Variants in VAV3 observed in about 807,000 individuals in gnomAD.
VAV3 encodes the protein guanine nucleotide exchange factor VAV3.
VAV3 carries 94 observed loss-of-function variants against 131.2 expected under a neutral mutation model. The observed-to-expected ratio is 0.72, with a 90% CI of 0.61 to 0.85. VAV3 has a LOEUF of 0.85. Ranked by LOEUF, VAV3 falls within the 40% of genes least tolerant of loss-of-function variation. The probability of loss-of-function intolerance (pLI) is 0.00; values close to 1 mark genes in which losing one functional copy is unlikely to be tolerated. For synonymous variants in VAV3, 349 were observed against 342.0 expected (o/e 1.02, Z -0.22); for missense variants, 939 against 1,002.7 (o/e 0.94, Z 0.86).
chr1:107,630,689 G>C (rs1654399698), intron 20 of VAV3, among the ~76,000 whole-genome samples: 1 of 152,066 alleles, frequency 6.6e-6, no homozygotes. Context: ...CCCAGTGGGG[G>C]AGTCACATAT....
chr1:107,574,989 GTGTGCGTGCGTGCGCGCGCGCGCGCGCA>G (rs1400799908), intron 25 of VAV3, among the ~76,000 whole-genome samples: 2,244 of 35,304 alleles, frequency 0.064, 65 homozygotes, highest in African/African-American at 0.12. Flanking sequence ...GTGTGTGTGT[GTGTGCGTGCGTGCGCGCGCGCGCGCGCA>G]CACGCGCGCG....
intron 2 of VAV3, among the ~76,000 whole-genome samples, chr1:107,838,670 A>G (rs1181789088): frequency 6.6e-6 from 1 of 152,224 alleles, no homozygotes; most frequent in Non-Finnish European, 1.5e-5. Flanking sequence ...TCATTGCAGC[A>G]CTATTCACAA....
intron 15 of VAV3, among the ~76,000 whole-genome samples, chr1:107,739,862 G>C (rs1311835444): frequency 6.6e-6 from 1 of 152,140 alleles, no homozygotes; most frequent in African/African-American, 2.4e-5. Flanking sequence ...ACCACCACAG[G>C]CTTCCTCTAC....
chr1:107,724,806 G>A (rs955842836), intron 15 of VAV3, among the ~76,000 whole-genome samples: 33 of 151,966 alleles, frequency 2.2e-4, no homozygotes, highest in African/African-American at 7.3e-4. Context: ...AAGGAATTCA[G>A]TCTGGTTGCA....
At chr1:107,647,720 ACATGTGCAAAACAC>A (rs1168723185) in intron 19 of VAV3, among the ~76,000 whole-genome samples, 1 of 152,060 alleles carries the variant, frequency 6.6e-6, no homozygotes, top group Non-Finnish European at 1.5e-5. Flanking sequence ...TCTTGTGGGT[ACATGTGCAAAACAC>A]CATGACCAAC....
intron 1 of VAV3, among the ~76,000 whole-genome samples, chr1:107,954,174 TAAC>T (rs1011601982): frequency 6.6e-6 from 1 of 152,162 alleles, no homozygotes; most frequent in Non-Finnish European, 1.5e-5. Flanking sequence ...AAATAATAGC[TAAC>T]AATAGGTTGT....
chr1:107,805,609 T>C (rs1667023404), intron 2 of VAV3, among the ~76,000 whole-genome samples: 1 of 152,230 alleles, frequency 6.6e-6, no homozygotes, highest in Admixed American at 6.5e-5. Flanking sequence ...ATTGCTATTT[T>C]GAATTCTTGT....
chr1:107,823,097 C>A (rs1005214007), intron 2 of VAV3, among the ~76,000 whole-genome samples: 4 of 152,068 alleles, frequency 2.6e-5, no homozygotes, highest in Non-Finnish European at 4.4e-5. Flanking sequence ...TACCCACTAT[C>A]CAATCGATGA....
chr1:107,944,073 A>G (rs1463635533), intron 1 of VAV3, among the ~76,000 whole-genome samples: 1 of 152,224 alleles, frequency 6.6e-6, no homozygotes, highest in Non-Finnish European at 1.5e-5. Flanking sequence ...ACAGTCTCCC[A>G]AGGTCAAAAT....
rs183578966 is a variant in VAV3, at chr1:107,577,886, T to C, written c.2351-3688A>G. Among the ~76,000 whole-genome samples the C allele has an allele frequency of 7.2e-5, 11 of 152,332 alleles. No individual in the cohort carries two copies. In the East Asian group the frequency reaches 7.7e-4, roughly 11 times the overall value. On this transcript the variant is annotated intron_variant, in intron 25 of 26. Transcript: ENST00000370056. ...TGCTGTTACTTGTACCATGGCCTAA[T>C]CTGAACTGTGACAAAAAGTTTTCTA...
intron 4 of VAV3, among the ~76,000 whole-genome samples, chr1:107,774,614 A>G (rs1360602828): frequency 1.3e-5 from 2 of 152,204 alleles, no homozygotes; most frequent in African/African-American, 4.8e-5. Flanking sequence ...ATCGACATGT[A>G]AGGCCACCTA....
At chr1:107,603,280 A>G in intron 22 of VAV3, 117 bp from the exon 23 acceptor site, 1 of 718,372 alleles carries the variant, frequency 1.4e-6, no homozygotes. Context: ...TGGTAATTCT[A>G]TACTAATTAC....
chr1:107,628,134 G>A (rs1228123427), intron 20 of VAV3, among the ~76,000 whole-genome samples: 3 of 152,084 alleles, frequency 2.0e-5, no homozygotes, highest in Non-Finnish European at 4.4e-5. Context: ...CTGACAGAAC[G>A]GGGGTGAAAG....
At position 107,853,627 on chromosome 1, in the gene VAV3, A is replaced by T. The variant is rs548146835; in HGVS notation, c.321+21274T>A. On this transcript the variant is annotated intron_variant, in intron 2 of 26. Coordinates refer to ENST00000370056, the MANE Select transcript of VAV3 (RefSeq NM_006113.5). Reference sequence around the variant, plus strand: ...TGCTGCAAGTTCTTTTAATGTCTTTAAAAAAAAAAGTTATTTTTGATGACA... The same window carrying T: ...TGCTGCAAGTTCTTTTAATGTCTTTTAAAAAAAAAGTTATTTTTGATGACA... 6.8e-5 allele frequency among the ~76,000 whole-genome samples: 10 copies of T among 146,878 alleles called. No homozygotes were observed. The South Asian group carries it at 1.5e-3, about 23-fold the overall frequency.
chr1:107,887,608 T>C (rs1433896261), intron 1 of VAV3, among the ~76,000 whole-genome samples: 1 of 152,196 alleles, frequency 6.6e-6, no homozygotes, highest in African/African-American at 2.4e-5. Context: ...GCCTTTCATA[T>C]TCAGAAAGTT....
intron 19 of VAV3, among the ~76,000 whole-genome samples, chr1:107,681,532 A>G (rs1658606780): frequency 6.6e-6 from 1 of 152,234 alleles, no homozygotes; most frequent in Non-Finnish European, 1.5e-5. Flanking sequence ...TGTGGGAAGA[A>G]ATAGGCTTAC....
chr1:107,755,602 T>C, intron 11 of VAV3, 89 bp from the exon 12 acceptor site: 1 of 906,218 alleles, frequency 1.1e-6, no homozygotes. Flanking sequence ...ATTAATTCCA[T>C]TAGTGGTAAA....
In VAV3 at chr1:107,676,056, G is replaced by A. The variant is rs534275273; in HGVS notation, c.1777+7432C>T. On this transcript the variant is annotated intron_variant, in intron 19 of 26. Coordinates refer to ENST00000370056, the MANE Select transcript of VAV3 (RefSeq NM_006113.5). ...GAGGTGGAAAACCTAGGCACAGTAT[G>A]CCCAAGGATGAAAACTGTCTGAAAC... Among the ~76,000 whole-genome samples the A allele has an allele frequency of 9.8e-5, 15 of 152,314 alleles. No homozygotes were observed. The South Asian group carries it at 3.1e-3, about 32-fold the overall frequency.
At chr1:107,661,872 A>G (rs1000356898) in intron 19 of VAV3, among the ~76,000 whole-genome samples, 1 of 152,198 alleles carries the variant, frequency 6.6e-6, no homozygotes, top group Admixed American at 6.5e-5. Flanking sequence ...CTAACATGTT[A>G]CAGGACTTGG....
Sources: gnomAD v4.1 joint callset for allele counts (sites outside exome capture counted in the v4.1 genomes callset) on GRCh38, gnomAD v4.1.1 for gene constraint, MANE v1.5 for transcripts, NCBI Gene and HGNC (gene_info 2026-07-23, HGNC 2026-07-21) for gene names.